Variants in LRP2 observed in about 807,000 individuals in gnomAD.
LRP2 encodes the protein low-density lipoprotein receptor-related protein 2.
Under a neutral mutation model 531.0 loss-of-function variants are expected in LRP2, and 172 were observed. The observed-to-expected ratio is 0.32, with a 90% CI of 0.29 to 0.37. The LOEUF (loss-of-function observed/expected upper bound fraction) is 0.37, where lower values mean the gene tolerates loss of function less well. Ranked by LOEUF, LRP2 falls within the 10% of genes least tolerant of loss-of-function variation. The pLI, the probability that LRP2 is intolerant of heterozygous loss-of-function variation, is 1.00. For missense variants in LRP2, 5,167 were observed against 5,868.3 expected, an observed-to-expected ratio of 0.88 and a Z score of 3.90; for synonymous variants, 1,992 against 2,027.6, an observed-to-expected ratio of 0.98 and a Z score of 0.47.
In LRP2 at chr2:169,157,434, C is replaced by CGTCG; in HGVS notation, c.11955_11956insCGAC (p.Gly3986ArgfsTer17). ...CCAGCTGTACAGGAGCAGATAAATC[C>CGTCG]TCCTTCATTTAATTGGGTACAATTT... On this transcript the variant is annotated frameshift_variant, in exon 64 of 79. Coordinates refer to ENST00000649046, the MANE Select transcript of LRP2 (RefSeq NM_004525.3). LOFTEE classifies it high-confidence loss of function. The CGTCG allele has an allele frequency of 6.5e-7, 1 of 1,533,528 alleles. No homozygotes were observed. The highest frequency in any genetic ancestry group is 9.0e-7 in the Non-Finnish European group (1 of 1,108,506). 95.0% of individuals were successfully genotyped at this position (1,533,528 alleles called of 1,614,324 possible).
At chr2:169,315,656 C>T (rs558570937) in intron 3 of LRP2, among the ~76,000 whole-genome samples, 60 of 152,204 alleles carry the variant, frequency 3.9e-4, no homozygotes, top group African/African-American at 1.4e-3. Flanking sequence ...CACTGTAAAC[C>T]GTGTTAGGGA....
rs2229267 is a variant in LRP2 at position 169,235,885 on chromosome 2, A to G, written c.4875T>C (p.Cys1625=). 0.28 allele frequency: 443,912 copies of G among 1,613,596 alleles called. 71,102 individuals carry two copies. The highest frequency in any genetic ancestry group is 0.66 in the African/African-American group (49,219 of 74,958). Residue 1625 remains cysteine, a synonymous_variant, in exon 29 of 79, where the codon TGT becomes TGC. Coordinates refer to ENST00000649046, the MANE Select transcript of LRP2 (RefSeq NM_004525.3). The part of the protein sequence containing the change: ...MDSYLDYMDF[C]DYNGHHRRQV... ...GTCTCCGATGGTGTCCATTATAATC[A>G]CAAAAGTCCATGTAATCAAGATAGG...
chr2:169,243,307 C>A (rs1303388392), intron 23 of LRP2, 96 bp downstream of exon 23: 46 of 1,439,730 alleles, frequency 3.2e-5, no homozygotes, highest in Non-Finnish European at 3.8e-5. Context: ...CCCCAACAGG[C>A]CCCGGTGTGT....
At chr2:169,159,061 A>G (rs901838965) in intron 63 of LRP2, among the ~76,000 whole-genome samples, 1 of 152,092 alleles carries the variant, frequency 6.6e-6, no homozygotes. Context: ...TGCTTCTTTT[A>G]TCCTCCATCT....
intron 10 of LRP2, among the ~76,000 whole-genome samples, chr2:169,282,274 G>A (rs976649502): frequency 7.2e-5 from 11 of 152,240 alleles, no homozygotes; most frequent in Admixed American, 2.0e-4. Context: ...ACCTTCGTCC[G>A]GAGAAATCAA....
At chr2:169,216,771 T>C (rs544576546) in intron 34 of LRP2, among the ~76,000 whole-genome samples, 1 of 152,290 alleles carries the variant, frequency 6.6e-6, no homozygotes, top group South Asian at 2.1e-4. Context: ...CCATCTTCAG[T>C]ACATAGTGAA....
intron 7 of LRP2, 37 bp downstream of exon 7, chr2:169,292,216 A>G (rs778288159): frequency 7.7e-6 from 11 of 1,434,898 alleles, no homozygotes; most frequent in Non-Finnish European, 1.1e-5. Flanking sequence ...ACACTTGAAG[A>G]AAATGCTTTT....
intron 31 of LRP2, among the ~76,000 whole-genome samples, chr2:169,231,258 C>T (rs1689387851): frequency 7.0e-6 from 1 of 143,204 alleles, no homozygotes; most frequent in South Asian, 2.2e-4. Context: ...TACGCCATTG[C>T]ACTACAGTCT....
intron 14 of LRP2, 76 bp from the exon 15 acceptor site, chr2:169,273,143 C>T (rs1445579924): frequency 1.0e-5 from 16 of 1,525,554 alleles, no homozygotes; most frequent in Non-Finnish European, 1.5e-5. Context: ...CACTTCTAGC[C>T]CTTTTCACCT....
intron 61 of LRP2, 95 bp downstream of exon 61, chr2:169,168,444 T>G: frequency 6.7e-7 from 1 of 1,482,432 alleles, no homozygotes; most frequent in South Asian, 1.1e-5. Flanking sequence ...TAAACAATTG[T>G]ACAACTGCTC....
chr2:169,290,781 C>A (rs191619550), intron 8 of LRP2, 64 bp downstream of exon 8: 2 of 1,529,840 alleles, frequency 1.3e-6, no homozygotes, highest in Admixed American at 3.5e-5. Flanking sequence ...TGTATTTGAA[C>A]GTCTGTTCTA....
At chr2:169,358,541 A>C (rs573208927) in intron 1 of LRP2, among the ~76,000 whole-genome samples, 2 of 152,366 alleles carry the variant, frequency 1.3e-5, no homozygotes, top group Admixed American at 6.5e-5. Flanking sequence ...AAATTAAAGC[A>C]GCAGTGAGGT....
chr2:169,362,227 G>T, intron 1 of LRP2, 94 bp downstream of exon 1: 1 of 1,123,650 alleles, frequency 8.9e-7, no homozygotes, highest in Non-Finnish European at 1.3e-6. Context: ...CCTAGCCCCT[G>T]CCCGGACGCT....
At position 169,128,835 on chromosome 2, in the gene LRP2, G is replaced by T. The variant is rs1156334700; in HGVS notation, c.13801-5C>A. The T allele has an allele frequency of 6.2e-7, 1 of 1,613,998 alleles. No homozygotes were observed. Among genetic ancestry groups the T allele is most frequent in the Admixed American group, 1.7e-5 (1 of 59,974 alleles). On this transcript the variant is annotated splice_region_variant and splice_polypyrimidine_tract_variant and intron_variant, in intron 78 of 78. Transcript: ENST00000649046. ...TTCCTTTTGCTCGTTCTCCATCTAA[G>T]AATACAATGTAACAGGAATCAGCCA...
chr2:169,245,957 A>G (rs990666566), intron 21 of LRP2, among the ~76,000 whole-genome samples: 1 of 151,134 alleles, frequency 6.6e-6, no homozygotes, highest in African/African-American at 2.4e-5. Context: ...TGCAGCCTCA[A>G]CCTCCCCAGC....
intron 1 of LRP2, among the ~76,000 whole-genome samples, chr2:169,331,380 G>C (rs1178555333): frequency 6.6e-6 from 1 of 152,178 alleles, no homozygotes; most frequent in Admixed American, 6.5e-5. Context: ...AGAACGCTGA[G>C]CAATGAAAAC....
At chr2:169,273,440 C>A (rs990678737) in intron 14 of LRP2, among the ~76,000 whole-genome samples, 3 of 152,190 alleles carry the variant, frequency 2.0e-5, no homozygotes, top group Admixed American at 6.5e-5. Flanking sequence ...ATATTACTCA[C>A]TGGATGCTTA....
rs1261328128 is a variant in LRP2, at chr2:169,138,571, A to C, written c.13518+6T>G. 1 of 1,613,654 alleles carries C rather than the reference A, an allele frequency of 6.2e-7. No homozygotes were observed. ...CTTCAAATAATCATTTTGAAACCAT[A>C]CTCACCATTGCCATTGACCTGTCAA... On this transcript the variant is annotated splice_donor_region_variant and intron_variant, in intron 75 of 78. Transcript: ENST00000649046.
intron 30 of LRP2, among the ~76,000 whole-genome samples, chr2:169,232,208 T>C (rs1204071620): frequency 2.4e-5 from 3 of 125,594 alleles, no homozygotes; most frequent in Non-Finnish European, 5.1e-5. Context: ...TCTTTTTGCA[T>C]TAAAAAAAAA....
Sources: allele counts gnomAD v4.1 joint callset (sites outside exome capture counted in the v4.1 genomes callset), GRCh38; gene constraint gnomAD v4.1.1; transcripts MANE v1.5; gene names NCBI Gene and HGNC (gene_info 2026-07-23, HGNC 2026-07-21).